The following LRWD1 variants were observed in gnomAD, a reference collection of about 807,000 sequenced individuals.
The protein encoded by LRWD1 is leucine-rich repeat and WD repeat-containing protein 1.
Under a neutral mutation model 75.6 loss-of-function variants are expected in LRWD1, and 76 were observed. The observed-to-expected ratio is 1.01, with a 90% CI of 0.84 to 1.22. The LOEUF is 1.22. Among genes scored for constraint, LRWD1 ranks in the 50% most tolerant of loss-of-function variants. LRWD1 has a pLI of 0.00. For missense variants in LRWD1, 917 were observed against 862.0 expected (o/e 1.06, Z -0.80); for synonymous variants, 487 against 377.0 (o/e 1.29, Z -3.38).
Position 102,472,287 on chromosome 7 carries a change from A to G in LRWD1, c.1512A>G (p.Ala504=). 1 of 1,584,298 alleles carries G rather than the reference A, an allele frequency of 6.3e-7. No homozygotes were observed. The highest frequency in any genetic ancestry group is 8.6e-7 in the Non-Finnish European group (1 of 1,163,474). Residue 504 remains alanine (A), a synonymous_variant, in exon 12 of 15, where the codon GCA becomes GCG. Transcript: ENST00000292616. The stretch of plus-strand genomic sequence containing the variant: ...CTGGACGGAGAGTGGATGGGCTGGC[A>G]TTTGTGAATGAGGACATCGTGGGTG... ...EASGRRVDGL[A]FVNEDIVASK...
chr7:102,467,514 GCT>G lies in LRWD1; in HGVS notation c.573+39_573+40del, dbSNP rs1461450962. The stretch of plus-strand genomic sequence containing the variant: ...TGTCCCAATGTGCAGGGAGTCACTG[GCT>G]CTCGTATCTCTAGCTGCCTGGAGGT... On this transcript the variant is annotated intron_variant, in intron 4 of 14. Transcript: ENST00000292616. 12 of 1,605,856 alleles carry G rather than the reference GCT, an allele frequency of 7.5e-6. No individual in the cohort carries two copies. In the East Asian group the frequency reaches 2.7e-4, roughly 36 times the overall value.
chr7:102,470,028 C>G (rs1368916286), intron 11 of LRWD1, 146 bp downstream of exon 11: 2 of 1,043,012 alleles, frequency 1.9e-6, no homozygotes, highest in South Asian at 1.9e-5. Context: ...CTTGTCCCAC[C>G]TTTCTGCCAG....
intron 11 of LRWD1, 131 bp from the exon 12 acceptor site, chr7:102,472,087 C>T (rs1047347141): frequency 5.1e-5 from 42 of 817,636 alleles, no homozygotes; most frequent in Non-Finnish European, 7.9e-5. Context: ...GAATGTATCT[C>T]TTTGGTGGCA....
chr7:102,468,871 C>T lies in LRWD1; in HGVS notation c.1037C>T (p.Ala346Val). The T allele has an allele frequency of 6.2e-7, 1 of 1,612,008 alleles. No individual in the cohort carries two copies. Among genetic ancestry groups the T allele is most frequent in the African/African-American group, 1.3e-5 (1 of 75,032 alleles). ...CCCGCCCAGGAGTTCTTTTCTGTGG[C>T]CTGGACCGCTCTGATGGTGGTCACA... ...KAPGEEFFSVAWTALMVVTQA... is the reference protein window; with the variant it reads ...KAPGEEFFSVVWTALMVVTQA... The change falls in exon 9 of 15, where the codon GCC becomes GTC. Residue 346 changes from alanine (A) to valine (V), a missense_variant. Ala to Val is a moderately conservative substitution (Grantham distance 64). Coordinates refer to ENST00000292616, the MANE Select transcript of LRWD1 (RefSeq NM_152892.3).
rs548247925 is a variant in LRWD1 at position 102,466,231 on chromosome 7, C to T, written c.393C>T (p.Tyr131=). 2.5e-6 allele frequency: 4 copies of T among 1,614,148 alleles called. No homozygotes were observed. The East Asian group carries it at 6.7e-5, about 27-fold the overall frequency. ...ATGGCAAGGATGCGTCCTCAACTTA[C>T]TCTCAGGTGGAGAACCTGAATCGGG... ...KVNGKDASST[Y]SQVENLNREL... is the part of the protein sequence containing the mutation. Residue 131 remains tyrosine, a synonymous_variant, in exon 3 of 15, where the codon TAC becomes TAT. Transcript: ENST00000292616.
Position 102,469,897 on chromosome 7 carries a change from G to T in LRWD1, c.1442+15G>T. The T allele has an allele frequency of 1.3e-6, 2 of 1,511,186 alleles. No individual in the cohort carries two copies. The highest frequency in any genetic ancestry group is 1.8e-6 in the Non-Finnish European group (2 of 1,132,214). The allele number at this position is 1,511,186 out of a possible 1,614,324, so 93.6% of individuals were successfully genotyped here. ...CAAAAGAGGAGGTGAGGCTGGGCAGGGGGCGCCTTGGAAGCCAGGCCTCTG... is the reference window on the plus strand; with the variant it reads ...CAAAAGAGGAGGTGAGGCTGGGCAGTGGGCGCCTTGGAAGCCAGGCCTCTG... On this transcript the variant is annotated intron_variant, in intron 11 of 14. Coordinates refer to ENST00000292616, the MANE Select transcript of LRWD1 (RefSeq NM_152892.3).
chr7:102,469,900 G>T lies in LRWD1; in HGVS notation c.1442+18G>T. The T allele has an allele frequency of 6.6e-7, 1 of 1,509,858 alleles. No homozygotes were observed. Among genetic ancestry groups the T allele is most frequent in the Non-Finnish European group, 8.8e-7 (1 of 1,131,522 alleles). 93.5% of individuals were successfully genotyped at this position (1,509,858 alleles called of 1,614,324 possible). A position where few individuals can be genotyped will look rare whatever the true frequency, so the allele number is the denominator to read the frequency against. On this transcript the variant is annotated intron_variant, in intron 11 of 14. Coordinates refer to ENST00000292616, the MANE Select transcript of LRWD1 (RefSeq NM_152892.3). Reference sequence around the variant, plus strand: ...AAGAGGAGGTGAGGCTGGGCAGGGGGCGCCTTGGAAGCCAGGCCTCTGCAG... The same window carrying T: ...AAGAGGAGGTGAGGCTGGGCAGGGGTCGCCTTGGAAGCCAGGCCTCTGCAG...
intron 6 of LRWD1, 31 bp from the exon 7 acceptor site, chr7:102,468,232 G>A: frequency 1.9e-6 from 3 of 1,599,150 alleles, no homozygotes; most frequent in Non-Finnish European, 2.6e-6. Flanking sequence ...AGTCGGGGCT[G>A]GGCAGCTGTG....
In LRWD1 at chr7:102,468,369, G is replaced by A; in HGVS notation, c.911G>A (p.Trp304Ter). 1 of 1,606,582 alleles carries A rather than the reference G, an allele frequency of 6.2e-7. No individual in the cohort carries two copies. The highest frequency in any genetic ancestry group is 8.5e-7 in the Non-Finnish European group (1 of 1,177,140). Residue 304 changes from tryptophan to a stop codon, truncating the protein, a stop_gained, in exon 7 of 15, where the codon TGG (tryptophan) becomes TAG (stop). Transcript: ENST00000292616. LOFTEE classifies it high-confidence loss of function. ...QLWACAFEPA[W>*]EEGATSQTVA... ...TGGGCCTGTGCCTTCGAGCCGGCCTGGGAGGAGGGTACATGGTGGCGGGCA... is the reference window on the plus strand; with the variant it reads ...TGGGCCTGTGCCTTCGAGCCGGCCTAGGAGGAGGGTACATGGTGGCGGGCA...
At chr7:102,466,885 A>G (rs1294820821) in intron 3 of LRWD1, among the ~76,000 whole-genome samples, 1 of 142,398 alleles carries the variant, frequency 7.0e-6, no homozygotes, top group African/African-American at 2.7e-5. Flanking sequence ...GGCTCAAGCG[A>G]TCTTCCCGCC....
Position 102,469,722 on chromosome 7 carries a change from TC to T in LRWD1, c.1302-15del, listed in dbSNP as rs762463534. 1 of 1,611,616 alleles carries T rather than the reference TC, an allele frequency of 6.2e-7. No homozygotes were observed. The highest frequency in any genetic ancestry group is 1.7e-5 in the Admixed American group (1 of 59,920). ...CCTCGGTCTGGGTCTGATGCTCTGT[TC>T]CCCCTTGCCCACTGGCAGCCAGCTG... On this transcript the variant is annotated intron_variant, in intron 10 of 14. Coordinates refer to ENST00000292616, the MANE Select transcript of LRWD1 (RefSeq NM_152892.3).
At position 102,468,061 on chromosome 7, in the gene LRWD1, G is replaced by A; in HGVS notation, c.679-1G>A. ...CCATGGTCACAAGGCCCCCTCCACA[G>A]GCCAGACTGGCGGCCTTGAAACGGC... On this transcript the variant is annotated splice_acceptor_variant, in intron 5 of 14. Coordinates refer to ENST00000292616, the MANE Select transcript of LRWD1 (RefSeq NM_152892.3). LOFTEE classifies it high-confidence loss of function. The A allele has an allele frequency of 2.5e-6, 4 of 1,607,354 alleles. No individual in the cohort carries two copies. Among genetic ancestry groups the A allele is most frequent in the Non-Finnish European group, 3.4e-6 (4 of 1,179,400 alleles).
In LRWD1 at chr7:102,469,836, GGCT is replaced by G. The variant is rs761395369; in HGVS notation, c.1407_1409del (p.Cys469del). ...CCGCCTGCTGGCCGGCTGCGAGGGC[GGCT>G]GCTGCTGCTGGGACGTGCGGCTGGA... On this transcript the variant is annotated inframe_deletion, in exon 11 of 15. Coordinates refer to ENST00000292616, the MANE Select transcript of LRWD1 (RefSeq NM_152892.3). The G allele has an allele frequency of 1.2e-5, 20 of 1,603,998 alleles. No homozygotes were observed. Among genetic ancestry groups the G allele is most frequent in the African/African-American group, 2.7e-5 (2 of 74,884 alleles).
intron 1 of LRWD1, 75 bp from the exon 2 acceptor site, chr7:102,465,739 CCTT>C (rs1195291823): frequency 9.6e-7 from 1 of 1,036,366 alleles, no homozygotes; most frequent in Non-Finnish European, 1.5e-6. Flanking sequence ...GGTGAAAAAG[CCTT>C]CTGAGGTACC....
At position 102,473,045 on chromosome 7, in the gene LRWD1, T is replaced by C. The variant is rs1798268285; in HGVS notation, c.1940T>C (p.Met647Thr). 1.9e-6 allele frequency: 3 copies of C among 1,611,920 alleles called. No individual in the cohort carries two copies. Among genetic ancestry groups the C allele is most frequent in the East Asian group, 4.5e-5 (2 of 44,762 alleles). Reference protein sequence around the residue: ...DSNIVAIWGRM With the variant: ...DSNIVAIWGRT ...AACATCGTAGCCATCTGGGGGAGGA[T>C]GTAGCCTCACACCATCGCAAAGGAC... Residue 647 changes from methionine (M) to threonine (T), a missense_variant, in exon 15 of 15, where the codon ATG becomes ACG. Met to Thr is a moderately conservative substitution (Grantham distance 81). Transcript: ENST00000292616.
At chr7:102,467,174 G>GTGTA (rs1798029284) in intron 3 of LRWD1, among the ~76,000 whole-genome samples, 165 bp from the exon 4 acceptor site, 6 of 80,116 alleles carry the variant, frequency 7.5e-5, no homozygotes, top group African/African-American at 2.6e-4. Context: ...TGTGTGGGGT[G>GTGTA]TGTGTGTGTG....
intron 13 of LRWD1, 32 bp from the exon 14 acceptor site, chr7:102,472,659 GC>G: frequency 6.2e-7 from 1 of 1,612,514 alleles, no homozygotes. Context: ...CGGGAGCTCT[GC>G]CCCCACTCAG....
rs573603662 is a variant in LRWD1 at position 102,469,514 on chromosome 7, C to A, written c.1229-60C>A. The A allele has an allele frequency of 5.0e-6, 8 of 1,594,420 alleles. No homozygotes were observed. In the East Asian group the frequency reaches 1.6e-4, roughly 31 times the overall value. ...CCGTGGGCTCAGCCTGGGATGCAGCCAGCAGGAGGGAGCAGGGTCATCTCA... is the reference window on the plus strand; with the variant it reads ...CCGTGGGCTCAGCCTGGGATGCAGCAAGCAGGAGGGAGCAGGGTCATCTCA... On this transcript the variant is annotated intron_variant, in intron 9 of 14. Transcript: ENST00000292616.
At chr7:102,472,419 G>A (rs1323996103) in intron 12 of LRWD1, 35 bp from the exon 13 acceptor site, 1 of 1,545,334 alleles carries the variant, frequency 6.5e-7, no homozygotes, top group South Asian at 1.2e-5. Context: ...GTCTGGGAGG[G>A]GCCACCCTGC....
Sources: gnomAD v4.1 joint callset for allele counts (sites outside exome capture counted in the v4.1 genomes callset) on GRCh38, gnomAD v4.1.1 for gene constraint, MANE v1.5 for transcripts, NCBI Gene and HGNC (gene_info 2026-07-23, HGNC 2026-07-21) for gene names.